The following LONP2 variants were observed in gnomAD, a reference collection of about 807,000 sequenced individuals.
The protein encoded by LONP2 is lon protease homolog 2, peroxisomal.
Under a neutral mutation model 85.6 loss-of-function variants are expected in LONP2, and 60 were observed. The ratio of observed to expected loss-of-function variants is 0.70; its 90% CI spans 0.57 to 0.87. The LOEUF (loss-of-function observed/expected upper bound fraction) is 0.87, where lower values mean the gene tolerates loss of function less well. Among genes scored for constraint, LONP2 ranks in the 40% least tolerant of loss-of-function variants. LONP2 has a pLI of 0.00. For synonymous variants in LONP2, 395 were observed against 389.7 expected (o/e 1.01, Z -0.16); for missense variants, 860 against 1,063.5 (o/e 0.81, Z 2.66).
chr16:48,331,521 A>G (rs999891387), intron 11 of LONP2, among the ~76,000 whole-genome samples: 3 of 151,914 alleles, frequency 2.0e-5, no homozygotes, highest in African/African-American at 7.3e-5. Flanking sequence ...AGACTTACAT[A>G]TGTGATAAAT....
At chr16:48,249,526 C>CA (rs1471261265) in intron 1 of LONP2, among the ~76,000 whole-genome samples, 1 of 152,188 alleles carries the variant, frequency 6.6e-6, no homozygotes, top group African/African-American at 2.4e-5. Context: ...CACAGTGTCT[C>CA]ACCAGGTACT....
At chr16:48,345,382 G>A (rs555896593) in intron 12 of LONP2, 1 of 152,300 alleles carries the variant, frequency 6.6e-6, no homozygotes, top group East Asian at 1.9e-4. Context: ...TGTTAAACAC[G>A]ATTCATTCAC....
chr16:48,318,724 G>A lies in LONP2; in HGVS notation c.1795+15419G>A, dbSNP rs374013288. On this transcript the variant is annotated intron_variant, in intron 11 of 14. Transcript: ENST00000285737. ...AGAGTGTCACAGAGGAGAGCCACAT[G>A]CTGATGGGCTTGTGTTCGTTCCCAC... Among the ~76,000 whole-genome samples, 111 of 152,300 alleles carry A rather than the reference G, an allele frequency of 7.3e-4. 2 individuals are homozygous for A. The South Asian group carries it at 0.022, about 31-fold the overall frequency.
downstream of LONP2, among the ~76,000 whole-genome samples, chr16:48,357,689 C>T (rs1960426950): frequency 6.6e-6 from 1 of 152,146 alleles, no homozygotes; most frequent in Non-Finnish European, 1.5e-5. Context: ...AAATAGAATT[C>T]TACCATTAGT....
intron 6 of LONP2, among the ~76,000 whole-genome samples, chr16:48,265,693 G>C (rs1314033513): frequency 1.3e-5 from 2 of 152,086 alleles, no homozygotes; most frequent in Non-Finnish European, 2.9e-5. Context: ...GATTGGTTTG[G>C]CTATTCAGGG....
At chr16:48,259,483 A>G (rs1014761357) in intron 4 of LONP2, among the ~76,000 whole-genome samples, 2 of 152,184 alleles carry the variant, frequency 1.3e-5, no homozygotes, top group African/African-American at 4.8e-5. Context: ...TATTAGGAAG[A>G]TATATTTGAT....
Position 48,258,740 on chromosome 16 carries a change from G to A in LONP2, c.723G>A (p.Arg241=). 10 of 1,586,062 alleles carry A rather than the reference G, an allele frequency of 6.3e-6. No individual in the cohort carries two copies. Among genetic ancestry groups the A allele is most frequent in the South Asian group, 1.2e-5 (1 of 85,388 alleles). The change falls in exon 4 of 15, where the codon AGG becomes AGA. Residue 241 remains arginine (R), a splice_region_variant and synonymous_variant. Transcript: ENST00000285737. The part of the protein sequence containing the change: ...TRKPKQDDDK[R]VIAIRPIRRI... Reference sequence around the variant, plus strand: ...AACCCAAGCAAGATGATGATAAGAGGGTAAATATTTATTTTAACCCATTTC... The same window carrying A: ...AACCCAAGCAAGATGATGATAAGAGAGTAAATATTTATTTTAACCCATTTC...
At chr16:48,303,047 A>T in intron 10 of LONP2, 125 bp from the exon 11 acceptor site, 1 of 905,860 alleles carries the variant, frequency 1.1e-6, no homozygotes, top group Non-Finnish European at 1.6e-6. Context: ...TGGAAAAGTT[A>T]GTACTCAAGA....
At chr16:48,302,738 A>G (rs1215111967) in intron 10 of LONP2, among the ~76,000 whole-genome samples, 3 of 152,218 alleles carry the variant, frequency 2.0e-5, no homozygotes, top group African/African-American at 7.2e-5. Context: ...TTTTTGTTTT[A>G]GTTCCACAAA....
chr16:48,284,279 A>G (rs1024279569), intron 8 of LONP2, among the ~76,000 whole-genome samples: 13 of 152,232 alleles, frequency 8.5e-5, no homozygotes, highest in African/African-American at 2.9e-4. Context: ...TATTACATAA[A>G]CATAGTTGAT....
intron 11 of LONP2, among the ~76,000 whole-genome samples, chr16:48,328,485 C>G (rs1044591848): frequency 2.6e-4 from 40 of 151,932 alleles, no homozygotes; most frequent in African/African-American, 8.2e-4. Flanking sequence ...CGAGACTAGC[C>G]TGACCAACAT....
At chr16:48,337,709 C>T (rs1303900046) in intron 12 of LONP2, among the ~76,000 whole-genome samples, 1 of 152,052 alleles carries the variant, frequency 6.6e-6, no homozygotes, top group Non-Finnish European at 1.5e-5. Context: ...TATTTCTCTA[C>T]TTCTTTGTGC....
chr16:48,360,710 G>C (rs1960549028), downstream of LONP2: 1 of 152,452 alleles, frequency 6.6e-6, no homozygotes, highest in African/African-American at 2.4e-5. Context: ...ATTTGTCCAA[G>C]ATATCTGAAA....
intron 10 of LONP2, among the ~76,000 whole-genome samples, chr16:48,302,386 G>T (rs1972825633): frequency 6.6e-6 from 1 of 152,174 alleles, no homozygotes; most frequent in African/African-American, 2.4e-5. Context: ...GTGTATGTCT[G>T]ACTTAATCAA....
intron 11 of LONP2, among the ~76,000 whole-genome samples, chr16:48,303,847 G>A (rs996571121): frequency 1.3e-5 from 2 of 152,154 alleles, no homozygotes; most frequent in Non-Finnish European, 2.9e-5. Flanking sequence ...CATCCAGCAC[G>A]GGAGAAAGCT....
intron 7 of LONP2, among the ~76,000 whole-genome samples, chr16:48,270,834 A>G (rs1449501225): frequency 1.3e-5 from 2 of 152,190 alleles, no homozygotes; most frequent in African/African-American, 2.4e-5. Flanking sequence ...AACTGTAAGA[A>G]CTGTCCCTCT....
At position 48,244,439 on chromosome 16, in the gene LONP2, C is replaced by G; in HGVS notation, c.51C>G (p.Leu17=). The change falls in exon 1 of 15, where the codon CTC becomes CTG. Residue 17 remains leucine (L), a synonymous_variant. Coordinates refer to ENST00000285737, the MANE Select transcript of LONP2 (RefSeq NM_031490.5). ...TCCCCAGTCGCCTCCCGCTGCTGCTCACCCACGAGGGCGTCCTGCTGCCCG... is the reference window on the plus strand; with the variant it reads ...TCCCCAGTCGCCTCCCGCTGCTGCTGACCCACGAGGGCGTCCTGCTGCCCG... ...IQIPSRLPLL[L]THEGVLLPGS... is the part of the protein sequence containing the mutation. 6.3e-7 allele frequency: 1 copy of G among 1,594,466 alleles called. No homozygotes were observed. Among genetic ancestry groups the G allele is most frequent in the Non-Finnish European group, 8.5e-7 (1 of 1,174,906 alleles).
rs749826185 is a variant in LONP2, at chr16:48,269,200, G to GT, written c.983-799dup. On this transcript the variant is annotated intron_variant, in intron 6 of 14. Coordinates refer to ENST00000285737, the MANE Select transcript of LONP2 (RefSeq NM_031490.5). ...AATTAGGCAATTCTTTACATCATCTGTTTTTTTTTTTTTTTTTGACCCAGC... is the reference window on the plus strand; with the variant it reads ...AATTAGGCAATTCTTTACATCATCTGTTTTTTTTTTTTTTTTTTGACCCAGC... Among the ~76,000 whole-genome samples, 935 of 125,744 alleles carry GT rather than the reference G, an allele frequency of 7.4e-3. 1 individual carries two copies. Among genetic ancestry groups the GT allele is most frequent in the Middle Eastern group, 0.012 (3 of 254 alleles). The allele number at this position is 125,744 out of a possible 152,430, so 82.5% of individuals were successfully genotyped here.
chr16:48,291,806 A>T (rs540426789), intron 8 of LONP2, among the ~76,000 whole-genome samples: 1 of 152,242 alleles, frequency 6.6e-6, no homozygotes, highest in East Asian at 1.9e-4. Context: ...AGTGATTACC[A>T]GAAATTATTT....
Sources: allele counts gnomAD v4.1 joint callset (sites outside exome capture counted in the v4.1 genomes callset), GRCh38; gene constraint gnomAD v4.1.1; transcripts MANE v1.5; gene names NCBI Gene and HGNC (gene_info 2026-07-23, HGNC 2026-07-21).